TLK1: variants seen among roughly 807,000 people sequenced by gnomAD.
TLK1 encodes the protein serine/threonine-protein kinase tousled-like 1.
Under a neutral mutation model 105.3 loss-of-function variants are expected in TLK1, and 24 were observed. The ratio of observed to expected loss-of-function variants is 0.23; its 90% CI spans 0.17 to 0.32. The LOEUF is 0.32. Among genes scored for constraint, TLK1 ranks in the 10% least tolerant of loss-of-function variants. TLK1 has a pLI of 1.00. For synonymous variants in TLK1, 321 were observed against 310.4 expected (o/e 1.03, Z -0.36); for missense variants, 558 against 910.5 (o/e 0.61, Z 4.98).
intron 12 of TLK1, among the ~76,000 whole-genome samples, chr2:171,018,315 T>C (rs1685305085): frequency 6.6e-6 from 1 of 152,234 alleles, no homozygotes; most frequent in African/African-American, 2.4e-5. Flanking sequence ...CTAGAATACA[T>C]TTCTGTTGTT....
intron 12 of TLK1, among the ~76,000 whole-genome samples, chr2:171,025,214 C>T (rs1341151695): frequency 2.0e-5 from 3 of 152,106 alleles, no homozygotes; most frequent in African/African-American, 7.2e-5. Context: ...AACTAAACTT[C>T]ATGATTTATT....
intron 1 of TLK1, among the ~76,000 whole-genome samples, chr2:171,124,024 A>T (rs1255598569): frequency 2.0e-5 from 3 of 152,232 alleles, no homozygotes; most frequent in African/African-American, 7.2e-5. Flanking sequence ...GTGCAGATTA[A>T]TTACTTCCAA....
chr2:171,122,222 C>T (rs951296599), intron 1 of TLK1, among the ~76,000 whole-genome samples: 1 of 152,160 alleles, frequency 6.6e-6, no homozygotes, highest in African/African-American at 2.4e-5. Context: ...CCTCAGCCTC[C>T]CAAAGTGCTG....
chr2:171,217,562 A>T (rs541548596), intron 1 of TLK1, among the ~76,000 whole-genome samples: 30 of 152,182 alleles, frequency 2.0e-4, no homozygotes, highest in Admixed American at 3.9e-4. Flanking sequence ...GAGGAACACA[A>T]CTCCCAAAGC....
rs550597460 is a variant in TLK1 at position 171,085,316 on chromosome 2, G to A, written c.259-2464C>T. Among the ~76,000 whole-genome samples the A allele has an allele frequency of 9.2e-5, 14 of 151,974 alleles. No homozygotes were observed. The South Asian group carries it at 2.9e-3, about 32-fold the overall frequency. On this transcript the variant is annotated intron_variant, in intron 2 of 20. Transcript: ENST00000431350. Reference sequence around the variant, plus strand: ...GAGGCAGGAGAATCACTTGAATCTGGGAGGCAGAGGTTGCAGCGAGCCAAG... The same window carrying A: ...GAGGCAGGAGAATCACTTGAATCTGAGAGGCAGAGGTTGCAGCGAGCCAAG...
At chr2:171,029,160 C>A (rs890416136) in intron 11 of TLK1, among the ~76,000 whole-genome samples, 2 of 152,034 alleles carry the variant, frequency 1.3e-5, no homozygotes, top group Non-Finnish European at 2.9e-5. Context: ...GATTTGCAGG[C>A]CAAGTCAAGA....
chr2:171,061,378 T>C (rs938079667), intron 3 of TLK1, among the ~76,000 whole-genome samples: 3 of 152,258 alleles, frequency 2.0e-5, no homozygotes, highest in African/African-American at 7.2e-5. Context: ...TATTATCTGA[T>C]ATTCAGTTAC....
intron 12 of TLK1, among the ~76,000 whole-genome samples, chr2:171,026,275 A>G (rs1685768476): frequency 6.6e-6 from 1 of 152,166 alleles, no homozygotes; most frequent in Non-Finnish European, 1.5e-5. Context: ...ACAACATTTT[A>G]CAAATGTCTA....
In TLK1 at chr2:171,160,625, G is replaced by T; in HGVS notation, c.-197C>A. ...AGGAAAGAGGTGAGGGAAGGAGAGG[G>T]GACAGGGAGGAGGGAAAGGGGGAGA... On this transcript the variant is annotated 5_prime_UTR_variant, in exon 1 of 21. Transcript: ENST00000431350. This position sits in a 1 kb window ranked among gnomAD's most constrained non-coding sequence, Gnocchi z 4.4. The T allele has an allele frequency of 1.3e-6, 1 of 786,238 alleles. No individual in the cohort carries two copies. The allele number at this position is 786,238 out of a possible 1,614,324, so 48.7% of individuals were successfully genotyped here. A position where few individuals can be genotyped will look rare whatever the true frequency, so the allele number is the denominator to read the frequency against.
chr2:171,017,007 C>T (rs1365992914), intron 12 of TLK1, among the ~76,000 whole-genome samples: 1 of 152,106 alleles, frequency 6.6e-6, no homozygotes, highest in African/African-American at 2.4e-5. Context: ...TCCTCATTAA[C>T]AGCTTCGGTC....
At chr2:171,226,766 T>A (rs989655701) in intron 1 of TLK1, among the ~76,000 whole-genome samples, 1 of 152,156 alleles carries the variant, frequency 6.6e-6, no homozygotes, top group African/African-American at 2.4e-5. Context: ...TTTCCTTTGT[T>A]ATAATAGGAT....
At chr2:171,127,009 C>T (rs1043003128) in intron 1 of TLK1, among the ~76,000 whole-genome samples, 3 of 151,922 alleles carry the variant, frequency 2.0e-5, no homozygotes, top group African/African-American at 7.3e-5. Flanking sequence ...GGCACGGTGG[C>T]TCACGCCTGT....
At position 171,007,942 on chromosome 2, in the gene TLK1, G is replaced by GT. The variant is rs573051033; in HGVS notation, c.1417-880dup. On this transcript the variant is annotated intron_variant, in intron 14 of 20. Transcript: ENST00000431350. ...ATTTTAACAGCTTTACATGACTTATGTTTTTTTAAAAAGCAATGAATACCA... is the reference window on the plus strand; with the variant it reads ...ATTTTAACAGCTTTACATGACTTATGTTTTTTTTAAAAAGCAATGAATACCA... 5.3e-3 allele frequency among the ~76,000 whole-genome samples: 810 copies of GT among 151,950 alleles called. 7 individuals carry two copies. Among genetic ancestry groups the GT allele is most frequent in the African/African-American group, 0.019 (771 of 41,470 alleles).
intron 3 of TLK1, among the ~76,000 whole-genome samples, chr2:171,066,295 AATC>A (rs1246754084): frequency 1.3e-5 from 2 of 152,222 alleles, no homozygotes; most frequent in East Asian, 3.8e-4. Context: ...ATTCTAAGTA[AATC>A]AAAATCATCA....
chr2:170,998,751 T>C (rs2723240), intron 18 of TLK1, among the ~76,000 whole-genome samples: 5,838 of 152,260 alleles, frequency 0.038, 380 homozygotes, highest in African/African-American at 0.13. Context: ...ATTTTAAAAA[T>C]ATGTAAGTCC....
intron 20 of TLK1, among the ~76,000 whole-genome samples, chr2:170,994,551 A>C (rs1683960625): frequency 6.6e-6 from 1 of 151,862 alleles, no homozygotes; most frequent in Non-Finnish European, 1.5e-5. Context: ...AAAAAAAAAA[A>C]ACCTTTCCTG....
chr2:171,045,286 A>G (rs551248860), intron 11 of TLK1: 26 of 148,324 alleles, frequency 1.8e-4, no homozygotes, highest in African/African-American at 6.5e-4. Context: ...CTAAAGTGCA[A>G]TGGCACGATC....
rs1688021743 is a variant in TLK1 at position 171,066,849 on chromosome 2, G to C, written c.331-5693C>G. The C allele has an allele frequency of 3.2e-6, 5 of 1,551,660 alleles. No individual in the cohort carries two copies. In the East Asian group the frequency reaches 7.3e-5, roughly 23 times the overall value. On this transcript the variant is annotated intron_variant, in intron 3 of 20. Coordinates refer to ENST00000431350, the MANE Select transcript of TLK1 (RefSeq NM_012290.5). ...CTCCCCTACTCAAATTACCTTGCCA[G>C]TAGTTTTCAAATCATACAAGAATAA...
intron 1 of TLK1, among the ~76,000 whole-genome samples, chr2:171,137,018 G>C (rs1317840716): frequency 6.6e-6 from 1 of 152,172 alleles, no homozygotes; most frequent in Non-Finnish European, 1.5e-5. Flanking sequence ...TCGTAGTTGT[G>C]ACAACTCTTT....
Sources: allele counts gnomAD v4.1 joint callset (sites outside exome capture counted in the v4.1 genomes callset), GRCh38; gene constraint gnomAD v4.1.1; non-coding constraint Gnocchi (gnomAD v3.1); transcripts MANE v1.5; gene names NCBI Gene and HGNC (gene_info 2026-07-23, HGNC 2026-07-21).